Variants in RASGEF1C observed in about 807,000 individuals in gnomAD.
RASGEF1C encodes the protein ras-GEF domain-containing family member 1C.
RASGEF1C carries 27 observed loss-of-function variants against 58.1 expected under a neutral mutation model. The observed-to-expected ratio is 0.46, with a 90% CI of 0.34 to 0.64. The LOEUF is 0.64. RASGEF1C is among the 30% of genes least tolerant of loss of function. The pLI is 0.01. For missense variants in RASGEF1C, 502 were observed against 605.1 expected (o/e 0.83, Z 1.79); for synonymous variants, 243 against 246.3 (o/e 0.99, Z 0.13).
rs1187829324 is a variant in RASGEF1C, at chr5:180,163,254, C to CTTTTTTTTTTTTTTTTTTTTTTTTT, written c.-6-25197_-6-25196insAAAAAAAAAAAAAAAAAAAAAAAAA. Among the ~76,000 whole-genome samples, 12 of 71,058 alleles carry CTTTTTTTTTTTTTTTTTTTTTTTTT rather than the reference C, an allele frequency of 1.7e-4. 3 individuals are homozygous for CTTTTTTTTTTTTTTTTTTTTTTTTT. The highest frequency in any genetic ancestry group is 1.0e-3 in the South Asian group (2 of 2,008). 46.6% of individuals were successfully genotyped at this position (71,058 alleles called of 152,430 possible). ...CACTTTTTTTTTTTTTTTTTTTTTC[C>CTTTTTTTTTTTTTTTTTTTTTTTTT]AGCCTATTGCACTGGCTAGGACTTC... On this transcript the variant is annotated intron_variant, in intron 1 of 13. Coordinates refer to ENST00000361132, the MANE Select transcript of RASGEF1C (RefSeq NM_175062.4).
At chr5:180,195,730 A>T (rs1180608119) in intron 1 of RASGEF1C, among the ~76,000 whole-genome samples, 2 of 151,600 alleles carry the variant, frequency 1.3e-5, no homozygotes, top group African/African-American at 4.8e-5. Context: ...CCACTACTGC[A>T]CTCCAGCCTG....
At chr5:180,175,915 A>G (rs761255256) in intron 1 of RASGEF1C, among the ~76,000 whole-genome samples, 1 of 152,304 alleles carries the variant, frequency 6.6e-6, no homozygotes, top group East Asian at 1.9e-4. Flanking sequence ...GTGAACCCGG[A>G]AGGCAGAGCT....
In RASGEF1C at chr5:180,113,268, G is replaced by C. The variant is rs117734323; in HGVS notation, c.1179+1178C>G. On this transcript the variant is annotated intron_variant, in intron 11 of 13. Coordinates refer to ENST00000361132, the MANE Select transcript of RASGEF1C (RefSeq NM_175062.4). ...GGGACCGAGGATGGACGGAGGGACC[G>C]AGGATGGACGGAGGGATCCAGGATG... Among the ~76,000 whole-genome samples the C allele has an allele frequency of 7.5e-3, 321 of 42,674 alleles. 1 individual carries two copies. Among genetic ancestry groups the C allele is most frequent in the Middle Eastern group, 0.014 (1 of 70 alleles). The allele number at this position is 42,674 out of a possible 152,430, so 28.0% of individuals were successfully genotyped here. A position where few individuals can be genotyped will look rare whatever the true frequency, so the allele number is the denominator to read the frequency against.
At chr5:180,200,344 C>A (rs2127564152) in intron 1 of RASGEF1C, among the ~76,000 whole-genome samples, 2 of 106,176 alleles carry the variant, frequency 1.9e-5, no homozygotes, top group South Asian at 3.1e-4. Flanking sequence ...GAGTCCTGCT[C>A]TGTCGCCCAG....
At chr5:180,146,932 C>G (rs72813664) in intron 1 of RASGEF1C, among the ~76,000 whole-genome samples, 1,980 of 152,230 alleles carry the variant, frequency 0.013, 18 homozygotes, top group Non-Finnish European at 0.022. Flanking sequence ...GTGAAACCAC[C>G]AGGTCCAGGA....
At position 180,197,600 on chromosome 5, in the gene RASGEF1C, C is replaced by G. The variant is rs754747677; in HGVS notation, c.-7+11428G>C. Reference sequence around the variant, plus strand: ...CAGACAGCAGGCTGAGCTCAAGGCCCACACTGGCTGCATGGCCCTGGGATG... The same window carrying G: ...CAGACAGCAGGCTGAGCTCAAGGCCGACACTGGCTGCATGGCCCTGGGATG... On this transcript the variant is annotated intron_variant, in intron 1 of 13. Transcript: ENST00000361132. The surrounding 1 kb of genome is among the most constrained non-coding windows in gnomAD (Gnocchi z 4.7). Among the ~76,000 whole-genome samples the G allele has an allele frequency of 1.6e-4, 24 of 152,146 alleles. No homozygotes were observed. Among genetic ancestry groups the G allele is most frequent in the Non-Finnish European group, 3.1e-4 (21 of 68,014 alleles).
chr5:180,154,583 C>CTTTT (rs113429753), intron 1 of RASGEF1C, among the ~76,000 whole-genome samples: 2 of 140,636 alleles, frequency 1.4e-5, no homozygotes, highest in Non-Finnish European at 3.1e-5. Flanking sequence ...ACTCTGGACT[C>CTTTT]TTTTTTTTTT....
intron 12 of RASGEF1C, among the ~76,000 whole-genome samples, chr5:180,104,375 A>C (rs1369382449): frequency 6.6e-6 from 1 of 152,184 alleles, no homozygotes; most frequent in Non-Finnish European, 1.5e-5. Flanking sequence ...AAATGAGGAC[A>C]CAGCATTTGC....
At chr5:180,206,773 C>A (rs144229001) in intron 1 of RASGEF1C, among the ~76,000 whole-genome samples, 2 of 152,312 alleles carry the variant, frequency 1.3e-5, no homozygotes, top group East Asian at 3.9e-4. Context: ...TGAGCCAGGT[C>A]TCCATGAACT....
chr5:180,144,995 C>G (rs2113285763), intron 1 of RASGEF1C, among the ~76,000 whole-genome samples: 1 of 152,362 alleles, frequency 6.6e-6, no homozygotes, highest in South Asian at 2.1e-4. Flanking sequence ...CTTTTTAAGG[C>G]TGAATACTGT....
chr5:180,119,625 A>G (rs533383786), intron 7 of RASGEF1C, among the ~76,000 whole-genome samples, 177 bp from the exon 8 acceptor site: 2 of 152,286 alleles, frequency 1.3e-5, no homozygotes, highest in East Asian at 1.9e-4. Flanking sequence ...GCAGAGCCCA[A>G]TGCCATAGAG....
At chr5:180,152,805 G>T (rs1299466915) in intron 1 of RASGEF1C, among the ~76,000 whole-genome samples, 1 of 151,698 alleles carries the variant, frequency 6.6e-6, no homozygotes, top group Non-Finnish European at 1.5e-5. Flanking sequence ...CAGCTACTCA[G>T]GAGGCCGAGG....
intron 10 of RASGEF1C, chr5:180,115,423 G>C: frequency 2.9e-6 from 1 of 341,942 alleles, no homozygotes; most frequent in Non-Finnish European, 5.8e-6. Flanking sequence ...AAGGCTCACG[G>C]ACCCCGCCTG....
intron 1 of RASGEF1C, among the ~76,000 whole-genome samples, chr5:180,186,737 G>A (rs985462576): frequency 5.3e-5 from 8 of 152,162 alleles, no homozygotes; most frequent in South Asian, 2.1e-4. Context: ...AGGCCAAGGC[G>A]GGCTGGATCA....
intron 13 of RASGEF1C, 64 bp downstream of exon 13, chr5:180,102,007 A>G: frequency 1.2e-6 from 1 of 826,540 alleles, no homozygotes; most frequent in Non-Finnish European, 2.0e-6. Flanking sequence ...CTCGGCGCGA[A>G]GACTCACCTT....
chr5:180,131,468 G>T (rs895405108), intron 4 of RASGEF1C, among the ~76,000 whole-genome samples: 5 of 152,066 alleles, frequency 3.3e-5, no homozygotes, highest in Admixed American at 6.5e-5. Flanking sequence ...TGTTTCCCCA[G>T]ATGGGCCATT....
Position 180,137,652 on chromosome 5 carries a change from G to A in RASGEF1C, c.238C>T (p.Leu80=). 1 of 1,612,844 alleles carries A rather than the reference G, an allele frequency of 6.2e-7. No individual in the cohort carries two copies. The highest frequency in any genetic ancestry group is 1.3e-5 in the African/African-American group (1 of 75,062). Reference sequence around the variant, plus strand: ...ATGCACAGGTGGCAGACCCGGGCCAGGAGCTCCCGGGGCTCGATGAAGAGG... The same window carrying A: ...ATGCACAGGTGGCAGACCCGGGCCAAGAGCTCCCGGGGCTCGATGAAGAGG... ...SRLFIEPREL[L]ARVCHLCIEQ... is the part of the protein sequence containing the mutation. The change falls in exon 3 of 14, where the codon CTG becomes TTG. Residue 80 remains leucine, a synonymous_variant. Transcript: ENST00000361132. This position sits in a 1 kb window ranked among gnomAD's most constrained non-coding sequence, Gnocchi z 4.1.
In RASGEF1C at chr5:180,138,072, G is replaced by C; in HGVS notation, c.-6-14C>G. ...TGGCATGTCTGCCTGCAATGGCAAG[G>C]AGCAGTGAGGACCTGAGTGGGGGCA... On this transcript the variant is annotated splice_polypyrimidine_tract_variant and intron_variant, in intron 1 of 13. Coordinates refer to ENST00000361132, the MANE Select transcript of RASGEF1C (RefSeq NM_175062.4). The C allele has an allele frequency of 6.9e-7, 1 of 1,445,790 alleles. No individual in the cohort carries two copies. The highest frequency in any genetic ancestry group is 9.2e-7 in the Non-Finnish European group (1 of 1,089,044). The allele number at this position is 1,445,790 out of a possible 1,614,324, so 89.6% of individuals were successfully genotyped here.
intron 1 of RASGEF1C, among the ~76,000 whole-genome samples, chr5:180,160,312 G>A (rs1159754271): frequency 2.6e-5 from 4 of 152,348 alleles, no homozygotes; most frequent in East Asian, 3.9e-4. Context: ...CCTTCCATGT[G>A]CAGTTGGCCT....
Sources: gnomAD v4.1 joint callset for allele counts (sites outside exome capture counted in the v4.1 genomes callset) on GRCh38, gnomAD v4.1.1 for gene constraint, Gnocchi (gnomAD v3.1) non-coding constraint, MANE v1.5 for transcripts, NCBI Gene and HGNC (gene_info 2026-07-23, HGNC 2026-07-21) for gene names.